Variants in TNS3 observed in about 807,000 individuals in gnomAD.
The protein encoded by TNS3 is tensin 3.
In TNS3, 45 loss-of-function variants were observed where a neutral mutation model predicts 140.9. The ratio of observed to expected loss-of-function variants is 0.32; its 90% confidence interval spans 0.25 to 0.41. TNS3 has a LOEUF of 0.41. Among genes scored for constraint, TNS3 ranks in the 10% least tolerant of loss-of-function variants. The probability of loss-of-function intolerance (pLI) is 1.00; values close to 1 mark genes in which losing one functional copy is unlikely to be tolerated. For synonymous variants in TNS3, 815 were observed against 788.4 expected (o/e 1.03, Z -0.56); for missense variants, 1,716 against 1,906.7 (o/e 0.90, Z 1.86).
In TNS3 at chr7:47,482,060, G is replaced by C. The variant is rs115455963; in HGVS notation, c.-114-919C>G. Among the ~76,000 whole-genome samples the C allele has an allele frequency of 7.4e-3, 1,127 of 152,334 alleles. 12 individuals are homozygous for C. Among genetic ancestry groups the C allele is most frequent in the African/African-American group, 0.026 (1,064 of 41,580 alleles). On this transcript the variant is annotated intron_variant, in intron 3 of 30. Transcript: ENST00000311160. Reference sequence around the variant, plus strand: ...CGCTGCTCTGGGGGGCCGCTCAGGAGCCAGGCGCCAGCAAACAGGATTCAG... The same window carrying C: ...CGCTGCTCTGGGGGGCCGCTCAGGACCCAGGCGCCAGCAAACAGGATTCAG...
intron 20 of TNS3, among the ~76,000 whole-genome samples, chr7:47,330,395 T>C (rs533397673): frequency 4.6e-5 from 7 of 152,142 alleles, no homozygotes; most frequent in Non-Finnish European, 1.0e-4. Flanking sequence ...AGACTGTCTC[T>C]CTCCTTCCAC....
At chr7:47,381,093 A>T (rs987550788) in intron 16 of TNS3, among the ~76,000 whole-genome samples, 2 of 152,198 alleles carry the variant, frequency 1.3e-5, no homozygotes, top group African/African-American at 4.8e-5. Flanking sequence ...TGGAGAAAGA[A>T]GCTCCTCCTG....
intron 4 of TNS3, among the ~76,000 whole-genome samples, chr7:47,474,142 AC>A (rs1436140916): frequency 3.5e-3 from 523 of 151,164 alleles, no homozygotes; most frequent in African/African-American, 0.012. Context: ...ACACACACAC[AC>A]ACAACACACA....
Position 47,277,295 on chromosome 7 carries a change from G to T in TNS3, c.*781C>A, listed in dbSNP as rs1784909253. The T allele has an allele frequency of 6.6e-6, 1 of 152,180 alleles. No individual in the cohort carries two copies. Among genetic ancestry groups the T allele is most frequent in the African/African-American group, 2.4e-5 (1 of 41,404 alleles). The allele number at this position is 152,180 out of a possible 1,614,324, so 9.4% of individuals were successfully genotyped here. On this transcript the variant is annotated 3_prime_UTR_variant, in exon 31 of 31. Coordinates refer to ENST00000311160, the MANE Select transcript of TNS3 (RefSeq NM_022748.12). ...GCATAAGTAAAATATAAATTACATA[G>T]AAATAATATTTTTGTTCCTTCTTCT...
In TNS3 at chr7:47,461,885, T is replaced by C. The variant is rs144198245; in HGVS notation, c.-76+19218A>G. ...TGGGGCAGAGTCCAGAGGATTTCTA[T>C]GCTCCAATTATTCCTAAGTATCTTT... On this transcript the variant is annotated intron_variant, in intron 4 of 30. Transcript: ENST00000311160. Among the ~76,000 whole-genome samples, 27 of 152,356 alleles carry C rather than the reference T, an allele frequency of 1.8e-4. No individual in the cohort carries two copies. The East Asian group carries it at 2.3e-3, about 13-fold the overall frequency.
intron 20 of TNS3, among the ~76,000 whole-genome samples, chr7:47,306,938 C>G (rs921632989): frequency 6.6e-6 from 1 of 152,160 alleles, no homozygotes; most frequent in Non-Finnish European, 1.5e-5. Flanking sequence ...AAATTAACAA[C>G]TATCCTAAGT....
Position 47,368,563 on chromosome 7 carries a change from T to A in TNS3, c.2083A>T (p.Ile695Phe). The A allele has an allele frequency of 6.4e-7, 1 of 1,570,370 alleles. No individual in the cohort carries two copies. The highest frequency in any genetic ancestry group is 8.7e-7 in the Non-Finnish European group (1 of 1,154,240). Residue 695 changes from isoleucine (I) to phenylalanine (F), a missense_variant, in exon 17 of 31, where the codon ATC (isoleucine) becomes TTC (phenylalanine). Around this residue, in one of 3 missense-constraint regions of TNS3, gnomAD observed 1,163 missense variants for 1,182.1 expected, o/e 0.98. Coordinates refer to ENST00000311160, the MANE Select transcript of TNS3 (RefSeq NM_022748.12). ...GPSPGSPTLD[I>F]DQSIEQLNRL... Reference sequence around the variant, plus strand: ...TTGAGCTGCTCGATGGACTGGTCGATGTCCAGGGTGGGCGAGCCTGGGGAG... The same window carrying A: ...TTGAGCTGCTCGATGGACTGGTCGAAGTCCAGGGTGGGCGAGCCTGGGGAG...
chr7:47,405,420 C>T (rs894269108), intron 13 of TNS3: 22 of 682,168 alleles, frequency 3.2e-5, no homozygotes, highest in South Asian at 6.3e-5. Context: ...GAGTTACAAC[C>T]GCATATTTGG....
chr7:47,478,493 A>G (rs1000528827), intron 4 of TNS3, among the ~76,000 whole-genome samples: 1 of 152,074 alleles, frequency 6.6e-6, no homozygotes, highest in Non-Finnish European at 1.5e-5. Context: ...ATGTTCACAC[A>G]CAGGTAACAA....
chr7:47,387,931 G>A lies in TNS3; in HGVS notation c.1024+8869C>T, dbSNP rs1007858296. Among the ~76,000 whole-genome samples the A allele has an allele frequency of 7.0e-4, 106 of 152,324 alleles. 1 individual carries two copies. The highest frequency in any genetic ancestry group is 4.4e-4 in the Non-Finnish European group (30 of 68,030). On this transcript the variant is annotated intron_variant, in intron 16 of 30. Coordinates refer to ENST00000311160, the MANE Select transcript of TNS3 (RefSeq NM_022748.12). ...TGGTTCTGTATATCAAATACTTAAA[G>A]TCAGCAGGTGCTCTCTTTCCCCGAC... is the stretch of plus-strand genomic sequence containing the variant.
At chr7:47,280,597 G>A (rs192592546) in intron 28 of TNS3, among the ~76,000 whole-genome samples, 22 of 152,362 alleles carry the variant, frequency 1.4e-4, no homozygotes, top group Admixed American at 6.5e-4. Context: ...TGTCAGCCGT[G>A]TGGAAGGCGG....
intron 16 of TNS3, among the ~76,000 whole-genome samples, chr7:47,375,906 T>C (rs1054386930): frequency 2.0e-5 from 3 of 152,246 alleles, no homozygotes; most frequent in African/African-American, 7.2e-5. Flanking sequence ...ATCTGATAGA[T>C]TTATGAAGCG....
rs545789010 is a variant in TNS3, at chr7:47,404,741, G to A, written c.724-3827C>T. On this transcript the variant is annotated intron_variant, in intron 13 of 30. Transcript: ENST00000311160. The stretch of plus-strand genomic sequence containing the variant: ...CTTTACTAAAAAAATACAAAAAGCC[G>A]GTCATGGGGGCAGGCGCCTGTAGTC... Among the ~76,000 whole-genome samples, 6 of 152,138 alleles carry A rather than the reference G, an allele frequency of 3.9e-5. No homozygotes were observed. The South Asian group carries it at 6.2e-4, about 16-fold the overall frequency.
chr7:47,396,710 A>AG (rs1373643491), intron 16 of TNS3, 90 bp downstream of exon 16: 25 of 1,104,416 alleles, frequency 2.3e-5, no homozygotes, highest in Non-Finnish European at 3.3e-5. Flanking sequence ...TTTTCTTCTT[A>AG]GCAGACTGCA....
At chr7:47,445,983 G>C (rs980354044) in intron 4 of TNS3, among the ~76,000 whole-genome samples, 3 of 152,294 alleles carry the variant, frequency 2.0e-5, no homozygotes, top group African/African-American at 7.2e-5. Context: ...ACTTGCTATA[G>C]GTTATATTAA....
rs140799405 is a variant in TNS3 at position 47,389,109 on chromosome 7, C to CAGAAGAAGAAGA, written c.1024+7679_1024+7690dup. On this transcript the variant is annotated intron_variant, in intron 16 of 30. Coordinates refer to ENST00000311160, the MANE Select transcript of TNS3 (RefSeq NM_022748.12). Reference sequence around the variant, plus strand: ...GAGGAAGAGGAAGAGGAAGCGGAAGCAGAAGAAGAAGAAGAAGAAGAAGAA... The same window carrying CAGAAGAAGAAGA: ...GAGGAAGAGGAAGAGGAAGCGGAAGCAGAAGAAGAAGAAGAAGAAGAAGAAGAAGAAGAAGAA... 7.4e-4 allele frequency among the ~76,000 whole-genome samples: 44 copies of CAGAAGAAGAAGA among 59,138 alleles called. 11 individuals carry two copies. The highest frequency in any genetic ancestry group is 2.3e-3 in the African/African-American group (34 of 14,774). The allele number at this position is 59,138 out of a possible 152,430, so 38.8% of individuals were successfully genotyped here.
At chr7:47,295,768 G>A (rs564756245) in intron 24 of TNS3, among the ~76,000 whole-genome samples, 95 of 152,148 alleles carry the variant, frequency 6.2e-4, no homozygotes, top group African/African-American at 2.3e-3. Flanking sequence ...TCCCGGAAAC[G>A]CTACAGCCCT....
chr7:47,551,780 T>G (rs1054455343), intron 1 of TNS3, among the ~76,000 whole-genome samples: 8 of 152,170 alleles, frequency 5.3e-5, no homozygotes, highest in Admixed American at 2.6e-4. Context: ...AAGTAGAGAG[T>G]AAGAAGTGTG....
intron 20 of TNS3, among the ~76,000 whole-genome samples, chr7:47,307,234 A>G (rs1168230379): frequency 6.6e-6 from 1 of 152,234 alleles, no homozygotes; most frequent in Non-Finnish European, 1.5e-5. Flanking sequence ...CTAAAATTCT[A>G]CATGAATAAA....
Sources: gnomAD v4.1 joint callset for allele counts (sites outside exome capture counted in the v4.1 genomes callset) on GRCh38, gnomAD v4.1.1 for gene constraint, gnomAD v4.1.1 regional missense constraint, MANE v1.5 for transcripts, NCBI Gene and HGNC (gene_info 2026-07-23, HGNC 2026-07-21) for gene names.